The following AOPEP variants were observed in gnomAD, a reference collection of about 807,000 sequenced individuals.
AOPEP encodes the protein aminopeptidase O (putative).
A neutral mutation model predicts 98.1 loss-of-function variants in AOPEP; 77 were observed. That is an observed-to-expected ratio of 0.78 (90% CI 0.65 to 0.95). The LOEUF (loss-of-function observed/expected upper bound fraction) is 0.95, where lower values mean the gene tolerates loss of function less well. Ranked by LOEUF, AOPEP falls within the 40% of genes least tolerant of loss-of-function variation. AOPEP has a pLI of 0.00. For missense variants in AOPEP, 1,024 were observed against 1,024.7 expected, an observed-to-expected ratio of 1.00 and a Z score of 0.01; for synonymous variants, 346 against 365.3, an observed-to-expected ratio of 0.95 and a Z score of 0.60.
At position 94,773,027 on chromosome 9, in the gene AOPEP, C is replaced by T. The variant is rs760521208; in HGVS notation, c.823C>T (p.Pro275Ser). ...GCCATGTGTTTATACTGTGGGATCT[C>T]CCATAAACAACAGGGCCCTTTTTCC... is the stretch of plus-strand genomic sequence containing the variant. ...GRPCVYTVGS[P>S]INNRALFPCQ... Residue 275 changes from proline to serine, a missense_variant, in exon 3 of 17, where the codon CCC becomes TCC. This residue lies in a region of AOPEP where 440 missense variants were observed against 433.8 expected (regional missense o/e 1.01). Coordinates refer to ENST00000375315, the MANE Select transcript of AOPEP (RefSeq NM_001193329.3). The T allele has an allele frequency of 3.1e-6, 5 of 1,613,796 alleles. No individual in the cohort carries two copies. The South Asian group carries it at 5.5e-5, about 18-fold the overall frequency.
Position 94,834,716 on chromosome 9 carries a change from C to A in AOPEP, c.1364+33714C>A, listed in dbSNP as rs140461737. ...GCTGAGGCAGGAGAATCGCTTGAAC[C>A]TGGGAGGCAGAGGCTGCAGTGAACA... is the stretch of plus-strand genomic sequence containing the variant. On this transcript the variant is annotated intron_variant, in intron 5 of 16. Transcript: ENST00000375315. Among the ~76,000 whole-genome samples, 3 of 152,248 alleles carry A rather than the reference C, an allele frequency of 2.0e-5. No homozygotes were observed. In the East Asian group the frequency reaches 5.8e-4, roughly 29 times the overall value.
At chr9:94,886,299 A>G (rs2048234044) in intron 5 of AOPEP, among the ~76,000 whole-genome samples, 1 of 152,224 alleles carries the variant, frequency 6.6e-6, no homozygotes, top group African/African-American at 2.4e-5. Flanking sequence ...GTGTGTGAAC[A>G]TTCCTGAGAC....
chr9:94,819,609 C>G (rs1212676576), intron 5 of AOPEP, among the ~76,000 whole-genome samples: 5 of 152,186 alleles, frequency 3.3e-5, no homozygotes, highest in Admixed American at 1.3e-4. Flanking sequence ...GGATCTCACT[C>G]TGTCACCCAG....
At chr9:94,897,592 T>C (rs777891876) in intron 5 of AOPEP, among the ~76,000 whole-genome samples, 8 of 152,222 alleles carry the variant, frequency 5.3e-5, no homozygotes, top group African/African-American at 7.2e-5. Context: ...AAACTTCTAA[T>C]TGAAAGAAAT....
rs370870785 is a variant in AOPEP, at chr9:94,862,906, C to G, written c.1365-61080C>G. On this transcript the variant is annotated intron_variant, in intron 5 of 16. Transcript: ENST00000375315. Reference sequence around the variant, plus strand: ...CTTAATTCTCGGGACAAAGTATATGCGCACAAATACTTGATCATTCACTAG... The same window carrying G: ...CTTAATTCTCGGGACAAAGTATATGGGCACAAATACTTGATCATTCACTAG... Among the ~76,000 whole-genome samples, 3 of 152,234 alleles carry G rather than the reference C, an allele frequency of 2.0e-5. No homozygotes were observed. The East Asian group carries it at 5.8e-4, about 29-fold the overall frequency.
At chr9:94,838,148 A>G (rs1406617080) in intron 5 of AOPEP, among the ~76,000 whole-genome samples, 2 of 152,022 alleles carry the variant, frequency 1.3e-5, no homozygotes. Context: ...AGCTGGGACT[A>G]CAGGCACCCG....
chr9:94,878,413 C>T (rs2047211863), intron 5 of AOPEP, among the ~76,000 whole-genome samples: 1 of 151,322 alleles, frequency 6.6e-6, no homozygotes, highest in Non-Finnish European at 1.5e-5. Context: ...TCCTTTCCAA[C>T]AGGGTTCAAG....
intron 5 of AOPEP, among the ~76,000 whole-genome samples, chr9:94,813,129 G>T (rs1004268447): frequency 3.3e-5 from 5 of 152,200 alleles, no homozygotes; most frequent in Non-Finnish European, 5.9e-5. Context: ...AAGCTATAGG[G>T]TGGGTTATAG....
At chr9:95,111,624 G>A in the AOPEP span, 1 of 1,614,132 alleles carries the variant, frequency 6.2e-7, no homozygotes, top group Middle Eastern at 1.6e-4. Flanking sequence ...CTCTCAAAGG[G>A]ACCTCCGCAG....
intron 9 of AOPEP, among the ~76,000 whole-genome samples, chr9:94,965,136 C>A (rs775447230): frequency 2.0e-5 from 3 of 152,144 alleles, no homozygotes; most frequent in Non-Finnish European, 2.9e-5. Flanking sequence ...ACAAATAATT[C>A]TTTGCATTCT....
chr9:94,743,188 GAAGAA>G (rs777795646), intron 1 of AOPEP, among the ~76,000 whole-genome samples: 8 of 121,570 alleles, frequency 6.6e-5, no homozygotes, highest in African/African-American at 2.7e-4. Flanking sequence ...AGAAGAAGAA[GAAGAA>G]GAAGAAGAGG....
chr9:94,853,069 A>T (rs959702584), intron 5 of AOPEP, among the ~76,000 whole-genome samples: 4 of 152,232 alleles, frequency 2.6e-5, no homozygotes, highest in African/African-American at 9.6e-5. Flanking sequence ...ATAGAAATGT[A>T]TATGTTGTGG....
the AOPEP span, chr9:95,111,744 T>C: frequency 3.9e-6 from 5 of 1,289,998 alleles, no homozygotes; most frequent in South Asian, 3.6e-5. Context: ...ATTGTACTTA[T>C]CCACTGAAGT....
intron 1 of AOPEP, among the ~76,000 whole-genome samples, chr9:94,733,712 A>G (rs1831093238): frequency 6.6e-6 from 1 of 152,220 alleles, no homozygotes; most frequent in Non-Finnish European, 1.5e-5. Context: ...TTGCCTGTTT[A>G]AATTTAAAAG....
At chr9:95,045,479 C>A (rs189162980) in intron 13 of AOPEP, among the ~76,000 whole-genome samples, 1 of 152,218 alleles carries the variant, frequency 6.6e-6, no homozygotes, top group Non-Finnish European at 1.5e-5. Flanking sequence ...CTTTTGGACA[C>A]GCCTGAGTTT....
At chr9:94,799,692 G>A (rs1008160734) in intron 4 of AOPEP, among the ~76,000 whole-genome samples, 4 of 151,874 alleles carry the variant, frequency 2.6e-5, no homozygotes, top group Non-Finnish European at 5.9e-5. Context: ...GTAAAACCCC[G>A]TCTCTACTAA....
chr9:94,928,474 G>T lies in AOPEP; in HGVS notation c.1604G>T (p.Arg535Leu), dbSNP rs765776872. The change falls in exon 7 of 17, where the codon CGC becomes CTC. Residue 535 changes from arginine (R) to leucine (L), a missense_variant. Arg to Leu is a moderately radical substitution (Grantham distance 102, BLOSUM62 -2). Around this residue, in one of 3 missense-constraint regions of AOPEP, gnomAD observed 566 missense variants for 551.7 expected, o/e 1.03. Transcript: ENST00000375315. Reference sequence around the variant, plus strand: ...CAGCAGGAGCTGAGGGCTTGTCTGCGCTGGCGTCGCCTCCAGGACGAGATG... The same window carrying T: ...CAGCAGGAGCTGAGGGCTTGTCTGCTCTGGCGTCGCCTCCAGGACGAGATG... ...REQQELRACL[R>L]WRRLQDEMQC... is the part of the protein sequence containing the mutation. 6.5e-7 allele frequency: 1 copy of T among 1,550,280 alleles called. No homozygotes were observed.
intron 7 of AOPEP, among the ~76,000 whole-genome samples, chr9:94,943,422 C>T (rs866295760): frequency 1.3e-5 from 2 of 150,588 alleles, no homozygotes; most frequent in African/African-American, 2.4e-5. Flanking sequence ...GGTGAAACCC[C>T]GTCTCTACTG....
intron 5 of AOPEP, among the ~76,000 whole-genome samples, chr9:94,863,745 A>G (rs1327168250): frequency 6.6e-6 from 1 of 152,174 alleles, no homozygotes; most frequent in Non-Finnish European, 1.5e-5. Flanking sequence ...CTCAGGGTCA[A>G]CTCATAGTAC....
Sources: allele counts gnomAD v4.1 joint callset (sites outside exome capture counted in the v4.1 genomes callset), GRCh38; gene constraint gnomAD v4.1.1; regional missense constraint gnomAD v4.1.1; transcripts MANE v1.5; gene names NCBI Gene and HGNC (gene_info 2026-07-23, HGNC 2026-07-21).